Variants in MYO5B observed in about 807,000 individuals in gnomAD.
MYO5B encodes the protein unconventional myosin-Vb.
Under a neutral mutation model 229.3 loss-of-function variants are expected in MYO5B, and 143 were observed. That is an observed-to-expected ratio of 0.62 (90% CI 0.54 to 0.72). MYO5B has a LOEUF of 0.72. Among genes scored for constraint, MYO5B ranks in the 30% least tolerant of loss-of-function variants. MYO5B has a pLI of 0.00. For synonymous variants in MYO5B, 918 were observed against 885.2 expected, an observed-to-expected ratio of 1.04 and a Z score of -0.66; for missense variants, 2,321 against 2,331.0, an observed-to-expected ratio of 1.00 and a Z score of 0.09.
chr18:50,024,187 C>T (rs1356221391), intron 4 of MYO5B, among the ~76,000 whole-genome samples: 2 of 152,140 alleles, frequency 1.3e-5, no homozygotes, highest in Non-Finnish European at 2.9e-5. Context: ...AGAAAAAACC[C>T]GAGTGAGCAT....
At chr18:50,182,651 T>A (rs2033088800) in intron 1 of MYO5B, among the ~76,000 whole-genome samples, 1 of 152,172 alleles carries the variant, frequency 6.6e-6, no homozygotes, top group South Asian at 2.1e-4. Context: ...CATTTAATTA[T>A]CTCCTGACAG....
chr18:49,950,931 T>G (rs999070710), intron 14 of MYO5B, among the ~76,000 whole-genome samples: 7 of 152,186 alleles, frequency 4.6e-5, no homozygotes, highest in Non-Finnish European at 7.3e-5. Context: ...TAAGAACAGT[T>G]CACTGTGCCT....
chr18:49,905,971 G>C (rs115059477), intron 19 of MYO5B, among the ~76,000 whole-genome samples: 1 of 152,140 alleles, frequency 6.6e-6, no homozygotes, highest in Non-Finnish European at 1.5e-5. Context: ...GCAGTAACTC[G>C]CAAAAGGGGC....
At chr18:50,190,954 C>A (rs557829554) in intron 1 of MYO5B, among the ~76,000 whole-genome samples, 15 of 152,226 alleles carry the variant, frequency 9.9e-5, no homozygotes, top group African/African-American at 3.6e-4. Flanking sequence ...TGTCTGGCTC[C>A]AGTGTTCATC....
intron 1 of MYO5B, among the ~76,000 whole-genome samples, chr18:50,093,064 G>A (rs2031480627): frequency 6.6e-6 from 1 of 151,926 alleles, no homozygotes; most frequent in Non-Finnish European, 1.5e-5. Flanking sequence ...TGAACAATTT[G>A]TAAATAGACT....
At chr18:50,104,300 T>G (rs1224953314) in intron 1 of MYO5B, among the ~76,000 whole-genome samples, 1 of 139,248 alleles carries the variant, frequency 7.2e-6, no homozygotes, top group Non-Finnish European at 1.5e-5. Context: ...ATCTCATAAA[T>G]CTCAAAAAAA....
intron 1 of MYO5B, among the ~76,000 whole-genome samples, chr18:50,070,768 C>CA (rs1003550318): frequency 2.0e-5 from 3 of 152,008 alleles, no homozygotes; most frequent in Admixed American, 2.0e-4. Flanking sequence ...GCCACATCCC[C>CA]ATCCTACCTG....
At chr18:49,890,291 C>T (rs189032347) in intron 22 of MYO5B, among the ~76,000 whole-genome samples, 2 of 152,320 alleles carry the variant, frequency 1.3e-5, no homozygotes, top group African/African-American at 4.8e-5. Context: ...CAACATAAAA[C>T]AGGTGGCTGC....
intron 1 of MYO5B, among the ~76,000 whole-genome samples, chr18:50,094,776 C>G (rs1403696253): frequency 6.6e-6 from 1 of 152,096 alleles, no homozygotes; most frequent in Non-Finnish European, 1.5e-5. Context: ...AGCCATTAGG[C>G]CACTAAAAAC....
chr18:49,973,830 T>A (rs2025716033), intron 10 of MYO5B, among the ~76,000 whole-genome samples: 1 of 152,152 alleles, frequency 6.6e-6, no homozygotes, highest in Non-Finnish European at 1.5e-5. Flanking sequence ...CAGGCTGGAA[T>A]TCTGAAAGGA....
At chr18:49,832,573 G>A (rs774164397) in intron 39 of MYO5B, among the ~76,000 whole-genome samples, 9 of 152,202 alleles carry the variant, frequency 5.9e-5, no homozygotes, top group Non-Finnish European at 1.3e-4. Context: ...CTGGGAAATA[G>A]GTTTACAGAA....
intron 33 of MYO5B, among the ~76,000 whole-genome samples, chr18:49,845,027 CAGG>C (rs1376304283): frequency 6.6e-6 from 1 of 152,166 alleles, no homozygotes; most frequent in East Asian, 1.9e-4. Flanking sequence ...GGTAGCTCAG[CAGG>C]AGATGACCTT....
intron 1 of MYO5B, among the ~76,000 whole-genome samples, chr18:50,124,094 A>C (rs2032115483): frequency 6.6e-6 from 1 of 152,190 alleles, no homozygotes; most frequent in Admixed American, 6.5e-5. Flanking sequence ...TTCTCATCTA[A>C]AAATTCAACA....
chr18:50,104,731 T>TA (rs752929611), intron 1 of MYO5B, among the ~76,000 whole-genome samples: 44 of 152,344 alleles, frequency 2.9e-4, no homozygotes, highest in Non-Finnish European at 5.7e-4. Flanking sequence ...GCCTTTTCCC[T>TA]AAGTTTGAAA....
intron 14 of MYO5B, among the ~76,000 whole-genome samples, chr18:49,940,171 A>G (rs1489125541): frequency 6.6e-6 from 1 of 152,238 alleles, no homozygotes; most frequent in African/African-American, 2.4e-5. Context: ...ATAATTCACT[A>G]TTCTAGGTGA....
At chr18:49,982,457 G>A (rs2025826244) in intron 8 of MYO5B, among the ~76,000 whole-genome samples, 1 of 152,152 alleles carries the variant, frequency 6.6e-6, no homozygotes, top group Admixed American at 6.5e-5. Flanking sequence ...AATGAATACT[G>A]AATCCTAACA....
At chr18:49,962,844 C>T (rs143773750) in intron 11 of MYO5B, 105 bp downstream of exon 11, 51 of 969,672 alleles carry the variant, frequency 5.3e-5, no homozygotes, top group Non-Finnish European at 7.8e-5. Flanking sequence ...GATATCAGAA[C>T]GTAGCCAGGG....
Position 50,195,051 on chromosome 18 carries a change from A to T in MYO5B, c.-258T>A. The stretch of plus-strand genomic sequence containing the variant: ...GCGCCGGGGGAGGAGGCCGCGCCGC[A>T]CCACTCCCCTCCCAGGTGTGGGGAG... On this transcript the variant is annotated 5_prime_UTR_variant, in exon 1 of 40. Transcript: ENST00000285039. The T allele has an allele frequency of 2.9e-6, 1 of 343,928 alleles. No homozygotes were observed. The highest frequency in any genetic ancestry group is 5.1e-6 in the Non-Finnish European group (1 of 194,698). The allele number at this position is 343,928 out of a possible 1,614,324, so 21.3% of individuals were successfully genotyped here.
chr18:49,909,856 C>G (rs1309193603), intron 18 of MYO5B, among the ~76,000 whole-genome samples: 1 of 152,158 alleles, frequency 6.6e-6, no homozygotes, highest in Non-Finnish European at 1.5e-5. Context: ...TATTCCTATA[C>G]TTTTTCTTTA....
Sources: allele counts gnomAD v4.1 joint callset (sites outside exome capture counted in the v4.1 genomes callset), GRCh38; gene constraint gnomAD v4.1.1; transcripts MANE v1.5; gene names NCBI Gene and HGNC (gene_info 2026-07-23, HGNC 2026-07-21).